The following KIAA0319 variants were observed in gnomAD, a reference collection of about 807,000 sequenced individuals.
KIAA0319 encodes the protein dyslexia-associated protein KIAA0319.
In KIAA0319, 83 loss-of-function variants were observed where a neutral mutation model predicts 108.4. The ratio of observed to expected loss-of-function variants is 0.77; its 90% CI spans 0.64 to 0.92. KIAA0319 has a LOEUF of 0.92. Among genes scored for constraint, KIAA0319 ranks in the 40% least tolerant of loss-of-function variants. The pLI is 0.00. For missense variants in KIAA0319, 1,195 were observed against 1,322.4 expected (o/e 0.90, Z 1.49); for synonymous variants, 484 against 510.4 (o/e 0.95, Z 0.70).
downstream of KIAA0319, among the ~76,000 whole-genome samples, chr6:24,540,616 G>A (rs1216906280): frequency 6.6e-6 from 1 of 150,768 alleles, no homozygotes; most frequent in Non-Finnish European, 1.5e-5. Context: ...GAGGCTCTAG[G>A]GACCAATTAG....
At position 24,576,496 on chromosome 6, in the gene KIAA0319, T is replaced by G; in HGVS notation, c.1606A>C (p.Asn536His). The change falls in exon 10 of 21, where the codon AAT becomes CAT. Residue 536 changes from asparagine (N) to histidine (H), a missense_variant. Physicochemically the swap from Asn to His is moderately conservative, Grantham distance 68. Coordinates refer to ENST00000378214, the MANE Select transcript of KIAA0319 (RefSeq NM_014809.4). Reference sequence around the variant, plus strand: ...TTTTGGGGCAAAGTTATGGTGTGATTTGGTCCTGCATTAGCAACTGGTGGG... The same window carrying G: ...TTTTGGGGCAAAGTTATGGTGTGATGTGGTCCTGCATTAGCAACTGGTGGG... The part of the protein sequence containing the change: ...DYPPVANAGP[N>H]HTITLPQNSI... The G allele has an allele frequency of 1.2e-6, 2 of 1,614,162 alleles. No homozygotes were observed. Among genetic ancestry groups the G allele is most frequent in the Non-Finnish European group, 1.7e-6 (2 of 1,180,018 alleles).
At position 24,561,526 on chromosome 6, in the gene KIAA0319, C is replaced by G. The variant is rs376330717; in HGVS notation, c.2591+1833G>C. 5.9e-4 allele frequency among the ~76,000 whole-genome samples: 90 copies of G among 152,128 alleles called. 2 individuals carry two copies. In the East Asian group the frequency reaches 0.016, roughly 27 times the overall value. The stretch of plus-strand genomic sequence containing the variant: ...TCTAATGTGTTGACATACAATGATC[C>G]ATAATATTCTCTTATAATCCTCCCC... On this transcript the variant is annotated intron_variant, in intron 16 of 20. Transcript: ENST00000378214.
At chr6:24,551,313 T>G in intron 20 of KIAA0319, 121 bp downstream of exon 20, 2 of 712,056 alleles carry the variant, frequency 2.8e-6, no homozygotes, top group South Asian at 3.4e-5. Context: ...GCCTCACTCT[T>G]CCTTCCCAAT....
chr6:24,578,193 G>A lies in KIAA0319; in HGVS notation c.1422C>T (p.Asn474=), dbSNP rs145591060. ...AAGTCTTCTCTTCTATGAAGGGCCC[G>A]TTTATTTCTTCCCAATGATAACTCA... ...EIVSYHWEEI[N]GPFIEEKTSV... Residue 474 remains asparagine, a synonymous_variant, in exon 9 of 21, where the codon AAC becomes AAT. Coordinates refer to ENST00000378214, the MANE Select transcript of KIAA0319 (RefSeq NM_014809.4). 1,934 of 1,608,094 alleles carry A rather than the reference G, an allele frequency of 1.2e-3. 1 individual carries two copies. Among genetic ancestry groups the A allele is most frequent in the Non-Finnish European group, 1.5e-3 (1,739 of 1,174,986 alleles).
chr6:24,564,156 G>A (rs1461217881), intron 15 of KIAA0319, 46 bp downstream of exon 15: 8 of 1,612,226 alleles, frequency 5.0e-6, no homozygotes, highest in Non-Finnish European at 5.9e-6. Flanking sequence ...CCCAAAGGCT[G>A]ACCAGCCAGA....
chr6:24,645,307 C>T (rs1412751951), intron 1 of KIAA0319, among the ~76,000 whole-genome samples: 1 of 152,178 alleles, frequency 6.6e-6, no homozygotes, highest in Non-Finnish European at 1.5e-5. Context: ...GATGATAACT[C>T]TCAAAATTTC....
intron 4 of KIAA0319, among the ~76,000 whole-genome samples, chr6:24,587,610 A>G (rs950324638): frequency 6.9e-6 from 1 of 145,234 alleles, no homozygotes; most frequent in Non-Finnish European, 1.5e-5. Context: ...TTTTTTCAAG[A>G]CAGTCTTGCT....
chr6:24,543,263 T>C (rs2127394629), downstream of KIAA0319, among the ~76,000 whole-genome samples: 1 of 152,254 alleles, frequency 6.6e-6, no homozygotes, highest in South Asian at 2.1e-4. Flanking sequence ...TAATCTCTAG[T>C]GATTGCCAGG....
At chr6:24,590,318 GA>G (rs965485343) in intron 3 of KIAA0319, among the ~76,000 whole-genome samples, 1 of 150,200 alleles carries the variant, frequency 6.7e-6, no homozygotes, top group African/African-American at 2.5e-5. Flanking sequence ...AAAACAAGAC[GA>G]AATAATGAAA....
At chr6:24,598,888 T>A (rs527625708) in intron 2 of KIAA0319, 151 of 335,282 alleles carry the variant, frequency 4.5e-4, no homozygotes, top group African/African-American at 2.4e-3. Flanking sequence ...AAAAAAAAAA[T>A]AAAAAGTAAA....
intron 4 of KIAA0319, among the ~76,000 whole-genome samples, chr6:24,585,813 GCA>G (rs1397603693): frequency 1.3e-5 from 2 of 152,152 alleles, no homozygotes; most frequent in African/African-American, 4.8e-5. Flanking sequence ...AGGTGGCCAG[GCA>G]CAGTGGCTCA....
intron 13 of KIAA0319, among the ~76,000 whole-genome samples, chr6:24,567,173 ACTCT>A (rs1450079615): frequency 1.5e-5 from 2 of 129,814 alleles, no homozygotes; most frequent in African/African-American, 3.1e-5. Flanking sequence ...CCAAATCTTG[ACTCT>A]CTAAGACAAA....
chr6:24,578,318 ATATT>A (rs1378632239), intron 8 of KIAA0319, 76 bp from the exon 9 acceptor site: 1 of 1,065,348 alleles, frequency 9.4e-7, no homozygotes, highest in Non-Finnish European at 1.3e-6. Context: ...TAATTATTGC[ATATT>A]TAAATTCATT....
chr6:24,611,423 CG>C (rs1179415654), intron 1 of KIAA0319, among the ~76,000 whole-genome samples: 1 of 151,992 alleles, frequency 6.6e-6, no homozygotes, highest in Admixed American at 6.6e-5. Context: ...CGCCTGAATC[CG>C]GGAGGTGGAG....
At chr6:24,552,964 A>ATTCAC (rs1761717797) in intron 19 of KIAA0319, among the ~76,000 whole-genome samples, 1 of 152,030 alleles carries the variant, frequency 6.6e-6, no homozygotes, top group Non-Finnish European at 1.5e-5. Flanking sequence ...TTTCACATGA[A>ATTCAC]AGAGTGGACC....
rs529406145 is a variant in KIAA0319 at position 24,599,745 on chromosome 6, G to C, written c.55+1304C>G. 10 of 547,694 alleles carry C rather than the reference G, an allele frequency of 1.8e-5. No homozygotes were observed. Among genetic ancestry groups the C allele is most frequent in the South Asian group, 1.5e-4 (9 of 58,090 alleles). 33.9% of individuals were successfully genotyped at this position (547,694 alleles called of 1,614,324 possible). A position where few individuals can be genotyped will look rare whatever the true frequency, so the allele number is the denominator to read the frequency against. On this transcript the variant is annotated intron_variant, in intron 2 of 20. Coordinates refer to ENST00000378214, the MANE Select transcript of KIAA0319 (RefSeq NM_014809.4). The surrounding 1 kb of genome is among the most constrained non-coding windows in gnomAD (Gnocchi z 4.1). Reference sequence around the variant, plus strand: ...GGTTGTGAAGAAGATCGAGATTTGTGATAGGAAACTGGTGTCTGAGTCCTC... The same window carrying C: ...GGTTGTGAAGAAGATCGAGATTTGTCATAGGAAACTGGTGTCTGAGTCCTC...
At chr6:24,629,528 A>AAAAAAAAAAAG (rs1156657922) in intron 1 of KIAA0319, among the ~76,000 whole-genome samples, 1 of 148,608 alleles carries the variant, frequency 6.7e-6, no homozygotes, top group Admixed American at 6.7e-5. Flanking sequence ...AAAAAAAAAA[A>AAAAAAAAAAAG]AAAGAAAGAA....
intron 1 of KIAA0319, among the ~76,000 whole-genome samples, chr6:24,606,038 C>T (rs1010579690): frequency 2.0e-5 from 3 of 151,916 alleles, no homozygotes; most frequent in Non-Finnish European, 4.4e-5. Context: ...GGGGTTCAAG[C>T]GATTTCCTGC....
chr6:24,553,162 G>A (rs951196785), intron 19 of KIAA0319, among the ~76,000 whole-genome samples: 15 of 151,510 alleles, frequency 9.9e-5, no homozygotes, highest in Admixed American at 1.3e-4. Flanking sequence ...AGGTGGATTC[G>A]ATTATTGCTT....
Sources: gnomAD v4.1 joint callset for allele counts (sites outside exome capture counted in the v4.1 genomes callset) on GRCh38, gnomAD v4.1.1 for gene constraint, Gnocchi (gnomAD v3.1) non-coding constraint, MANE v1.5 for transcripts, NCBI Gene and HGNC (gene_info 2026-07-23, HGNC 2026-07-21) for gene names.